Variants in USP28 observed in about 807,000 individuals in gnomAD.
USP28 encodes ubiquitin specific peptidase 28.
Under a neutral mutation model 145.0 loss-of-function variants are expected in USP28, and 113 were observed. That is an observed-to-expected ratio of 0.78 (90% CI 0.67 to 0.91). USP28 has a LOEUF of 0.91. USP28 is among the 40% of genes least tolerant of loss of function. USP28 has a pLI of 0.00. For synonymous variants in USP28, 447 were observed against 450.9 expected (o/e 0.99, Z 0.11); for missense variants, 1,201 against 1,289.6 (o/e 0.93, Z 1.05).
At chr11:113,809,243 T>A in exon 17 of USP28, 1 of 1,613,764 alleles carries the variant, frequency 6.2e-7, no homozygotes, top group Non-Finnish European at 8.5e-7. Context: ...TCTGATTCAG[T>A]TGGGGCTGCC....
chr11:113,822,376 G>T (rs546537720), intron 12 of USP28: 1 of 152,346 alleles, frequency 6.6e-6, no homozygotes, highest in South Asian at 2.1e-4. Flanking sequence ...TTGAACCCAG[G>T]AGGCGGAGGT....
At chr11:113,844,655 C>A (rs1256159052) in intron 3 of USP28, among the ~76,000 whole-genome samples, 3 of 152,126 alleles carry the variant, frequency 2.0e-5, no homozygotes, top group African/African-American at 7.2e-5. Context: ...GCATAAGATG[C>A]TCAACATCAC....
At chr11:113,875,511 G>C (rs1413499736) in exon 1 of USP28, 1 of 1,163,868 alleles carries the variant, frequency 8.6e-7, no homozygotes, top group Non-Finnish European at 1.1e-6. Context: ...TGGCCGAGGC[G>C]CCCAGCCGCG....
At chr11:113,832,238 T>C (rs928789783) in intron 7 of USP28, among the ~76,000 whole-genome samples, 1 of 152,124 alleles carries the variant, frequency 6.6e-6, no homozygotes. Flanking sequence ...GCCTCCCAAG[T>C]AGCTGGGATT....
exon 22 of USP28, chr11:113,803,820 G>T: frequency 1.2e-6 from 2 of 1,613,912 alleles, no homozygotes; most frequent in Middle Eastern, 3.3e-4. Context: ...TAGAGTTCTA[G>T]GCCTGTTAGG....
intron 24 of USP28, among the ~76,000 whole-genome samples, chr11:113,800,270 G>A (rs1037340533): frequency 2.6e-5 from 4 of 152,176 alleles, no homozygotes; most frequent in East Asian, 1.9e-4. Flanking sequence ...CTCCCAAAGC[G>A]CTGGGACTAC....
intron 1 of USP28, among the ~76,000 whole-genome samples, chr11:113,871,509 T>C (rs1027364338): frequency 6.6e-6 from 1 of 152,190 alleles, no homozygotes; most frequent in African/African-American, 2.4e-5. Flanking sequence ...ACGCACTACA[T>C]TCCAGTAGCA....
chr11:113,799,705 A>G (rs1428061934), intron 24 of USP28, among the ~76,000 whole-genome samples: 1 of 152,230 alleles, frequency 6.6e-6, no homozygotes, highest in Non-Finnish European at 1.5e-5. Context: ...CATAGATATG[A>G]TGGTAATTAT....
In USP28 at chr11:113,834,230, T is replaced by G. The variant is rs780603918; in HGVS notation, c.621+19A>C. 1 of 1,595,636 alleles carries G rather than the reference T, an allele frequency of 6.3e-7. No homozygotes were observed. The highest frequency in any genetic ancestry group is 1.7e-5 in the Admixed American group (1 of 58,682). On this transcript the variant is annotated intron_variant, in intron 6 of 24. Transcript: ENST00000003302. The stretch of plus-strand genomic sequence containing the variant: ...AAGGGACTAAACAACAGTGAAGAAA[T>G]TCCTTGACACCAACTTACTGTATGA...
chr11:113,834,083 C>G (rs920928712), intron 6 of USP28, among the ~76,000 whole-genome samples, 166 bp downstream of exon 6: 2 of 152,052 alleles, frequency 1.3e-5, no homozygotes, highest in African/African-American at 4.8e-5. Flanking sequence ...TTTTGCATAC[C>G]CTTATATGTT....
At chr11:113,828,496 C>T (rs1016120978) in intron 10 of USP28, among the ~76,000 whole-genome samples, 3 of 152,134 alleles carry the variant, frequency 2.0e-5, no homozygotes, top group African/African-American at 7.2e-5. Flanking sequence ...TGTTAGGCTC[C>T]CTATTTTAAT....
At chr11:113,874,015 C>A (rs1156852950) in intron 1 of USP28, among the ~76,000 whole-genome samples, 1 of 151,768 alleles carries the variant, frequency 6.6e-6, no homozygotes, top group African/African-American at 2.4e-5. Context: ...GTGGCACGCG[C>A]CTGTAGTCCC....
chr11:113,835,569 C>G (rs181678383), intron 5 of USP28, among the ~76,000 whole-genome samples: 1 of 152,336 alleles, frequency 6.6e-6, no homozygotes, highest in Admixed American at 6.5e-5. Flanking sequence ...CACCAAAGTT[C>G]TCTCTGGGAC....
chr11:113,831,074 T>G (rs1943931603), intron 8 of USP28, 131 bp from the exon 9 acceptor site: 1 of 797,212 alleles, frequency 1.3e-6, no homozygotes, highest in African/African-American at 1.7e-5. Context: ...ATGATCTAAA[T>G]AAGTAACAAT....
chr11:113,849,897 A>C (rs941784183), intron 3 of USP28, among the ~76,000 whole-genome samples: 2 of 152,202 alleles, frequency 1.3e-5, no homozygotes, highest in African/African-American at 4.8e-5. Context: ...ACTGGGTTTT[A>C]CTATCCCAAC....
chr11:113,852,543 A>G, exon 3 of USP28: 1 of 1,614,166 alleles, frequency 6.2e-7, no homozygotes, highest in Non-Finnish European at 8.5e-7. Context: ...TCTACTTCAG[A>G]TGGTTCTGTA....
At chr11:113,836,385 G>A (rs1490490411) in intron 5 of USP28, among the ~76,000 whole-genome samples, 4 of 151,978 alleles carry the variant, frequency 2.6e-5, no homozygotes, top group African/African-American at 4.8e-5. Flanking sequence ...TCCCATCGCC[G>A]CTCACTTGCA....
intron 18 of USP28, 77 bp from the exon 19 acceptor site, chr11:113,808,213 C>A: frequency 6.4e-7 from 1 of 1,560,538 alleles, no homozygotes; most frequent in South Asian, 1.2e-5. Flanking sequence ...GCAGCAGAGA[C>A]ACAGAATAAT....
chr11:113,844,334 G>A (rs1038723204), intron 3 of USP28, among the ~76,000 whole-genome samples: 2 of 151,938 alleles, frequency 1.3e-5, no homozygotes, highest in African/African-American at 2.4e-5. Flanking sequence ...TCCGCTACTC[G>A]GGAGGCTGGG....
Sources: gnomAD v4.1 joint callset for allele counts (sites outside exome capture counted in the v4.1 genomes callset) on GRCh38, gnomAD v4.1.1 for gene constraint, MANE v1.5 for transcripts, NCBI Gene and HGNC (gene_info 2026-07-23, HGNC 2026-07-21) for gene names.